Variants in CBX2 observed in about 807,000 individuals in gnomAD.
CBX2 encodes chromobox 2.
CBX2 carries 11 observed loss-of-function variants against 21.0 expected under a neutral mutation model. The observed-to-expected ratio is 0.52, with a 90% CI of 0.33 to 0.87. The LOEUF (loss-of-function observed/expected upper bound fraction) is 0.87, where lower values mean the gene tolerates loss of function less well. Among genes scored for constraint, CBX2 ranks in the 40% least tolerant of loss-of-function variants. The pLI is 0.02. For missense variants in CBX2, 746 were observed against 724.3 expected, an observed-to-expected ratio of 1.03 and a Z score of -0.34; for synonymous variants, 364 against 304.6, an observed-to-expected ratio of 1.19 and a Z score of -2.03.
At chr17:79,783,373 G>A (rs1443450889) in intron 4 of CBX2, among the ~76,000 whole-genome samples, 1 of 152,024 alleles carries the variant, frequency 6.6e-6, no homozygotes, top group Non-Finnish European at 1.5e-5. Flanking sequence ...CTGGACCCTG[G>A]GAACAGGCAG....
At chr17:79,781,608 G>A (rs1555830229) in intron 3 of CBX2, 88 bp from the exon 4 acceptor site, 5 of 1,127,602 alleles carry the variant, frequency 4.4e-6, no homozygotes, top group Non-Finnish European at 6.8e-6. Context: ...AGGCCAACAG[G>A]AATAGGGTGC....
At position 79,783,958 on chromosome 17, in the gene CBX2, A is replaced by G; in HGVS notation, c.515A>G (p.Glu172Gly). The change falls in exon 5 of 5, where the codon GAG becomes GGG. Residue 172 changes from glutamate (E) to glycine (G), a missense_variant. Physicochemically the swap from Glu to Gly is moderately conservative, Grantham distance 98. Coordinates refer to ENST00000310942, the MANE Select transcript of CBX2 (RefSeq NM_005189.3). ...CGGGGACGAAAGCCCCTGCCCCCAGAGCAAAAGGCAACCCGAAGACCCGTG... is the reference window on the plus strand; with the variant it reads ...CGGGGACGAAAGCCCCTGCCCCCAGGGCAAAAGGCAACCCGAAGACCCGTG... ...KKRGRKPLPPEQKATRRPVSL... is the reference protein window; with the variant it reads ...KKRGRKPLPPGQKATRRPVSL... 1 of 1,613,856 alleles carries G rather than the reference A, an allele frequency of 6.2e-7. No homozygotes were observed. Among genetic ancestry groups the G allele is most frequent in the Non-Finnish European group, 8.5e-7 (1 of 1,180,028 alleles).
chr17:79,784,194 A>T lies in CBX2; in HGVS notation c.751A>T (p.Ser251Cys), dbSNP rs781899062. 7.4e-6 allele frequency: 12 copies of T among 1,612,612 alleles called. No homozygotes were observed. The highest frequency in any genetic ancestry group is 1.3e-5 in the African/African-American group (1 of 74,892). The change falls in exon 5 of 5, where the codon AGC becomes TGC. Residue 251 changes from serine to cysteine, a missense_variant. By Grantham distance (112) the Ser-to-Cys change is moderately radical. Around this residue, in one of 2 missense-constraint regions of CBX2, gnomAD observed 701 missense variants for 650.7 expected, o/e 1.08. Transcript: ENST00000310942. This position sits in a 1 kb window ranked among gnomAD's most constrained non-coding sequence, Gnocchi z 5.9. ...MASSPGRGGI[S>C]WQSSIVHYMN... ...CAGTAGCCCCGGCCGGGGTGGCATC[A>T]GCTGGCAGAGCTCCATCGTGCACTA... is the stretch of plus-strand genomic sequence containing the variant.
rs141807141 is a variant in CBX2 at position 79,782,007 on chromosome 17, C to T, written c.288+206C>T. 1,011 of 1,613,972 alleles carry T rather than the reference C, an allele frequency of 6.3e-4. 1 individual carries two copies. Among genetic ancestry groups the T allele is most frequent in the South Asian group, 8.5e-4 (77 of 91,090 alleles). On this transcript the variant is annotated intron_variant, in intron 4 of 4. Transcript: ENST00000310942. ...CCCCAGCCGGCTGAGAGTTCCTCCCCGCCCCTCCCAGGGGCTTCCTGCTTC... is the reference window on the plus strand; with the variant it reads ...CCCCAGCCGGCTGAGAGTTCCTCCCTGCCCCTCCCAGGGGCTTCCTGCTTC...
At chr17:79,782,509 T>G in intron 4 of CBX2, 1 of 1,172,140 alleles carries the variant, frequency 8.5e-7, no homozygotes, top group Non-Finnish European at 1.1e-6. Context: ...TGGCTTTGAT[T>G]CCCTCCTCCG....
chr17:79,779,333 C>A (rs1555829728), intron 2 of CBX2, 29 bp from the exon 3 acceptor site: 1 of 1,610,704 alleles, frequency 6.2e-7, no homozygotes, highest in Admixed American at 1.7e-5. Flanking sequence ...AGCCTGGCGT[C>A]TAATGCTGCC....
In CBX2 at chr17:79,784,994, G is replaced by A. The variant is rs1907537867; in HGVS notation, c.1551G>A (p.Val517=). 2 of 1,605,236 alleles carry A rather than the reference G, an allele frequency of 1.2e-6. No individual in the cohort carries two copies. The highest frequency in any genetic ancestry group is 2.2e-5 in the South Asian group (2 of 91,092). The change falls in exon 5 of 5, where the codon GTG becomes GTA. Residue 517 remains valine, a synonymous_variant. Coordinates refer to ENST00000310942, the MANE Select transcript of CBX2 (RefSeq NM_005189.3). This position sits in a 1 kb window ranked among gnomAD's most constrained non-coding sequence, Gnocchi z 5.9. ...DVTANLITVT[V]KESPTSVGFF... is the part of the protein sequence containing the mutation. The stretch of plus-strand genomic sequence containing the variant: ...CTGCCAACCTCATCACCGTCACAGT[G>A]AAGGAGTCTCCCACCAGCGTGGGCT...
Position 79,784,768 on chromosome 17 carries a change from G to A in CBX2, c.1325G>A (p.Ser442Asn), listed in dbSNP as rs782088256. 6.2e-7 allele frequency: 1 copy of A among 1,610,638 alleles called. No individual in the cohort carries two copies. The highest frequency in any genetic ancestry group is 8.5e-7 in the Non-Finnish European group (1 of 1,178,988). ...KGSATPSGQE[S>N]RTAPGEARKA... ...AGTGCTACCCCCAGTGGGCAGGAGA[G>A]CCGCACAGCCCCCGGAGAAGCCCGC... Residue 442 changes from serine to asparagine, a missense_variant, in exon 5 of 5, where the codon AGC (serine) becomes AAC (asparagine). By Grantham distance (46) the Ser-to-Asn change is conservative. Around this residue, in one of 2 missense-constraint regions of CBX2, gnomAD observed 701 missense variants for 650.7 expected, o/e 1.08. Transcript: ENST00000310942. The surrounding 1 kb of genome is among the most constrained non-coding windows in gnomAD (Gnocchi z 5.9).
At position 79,784,737 on chromosome 17, in the gene CBX2, A is replaced by C. The variant is rs781874682; in HGVS notation, c.1294A>C (p.Lys432Gln). The stretch of plus-strand genomic sequence containing the variant: ...CCCTGCCAGCAAGAGGGACTGTGTC[A>C]AGGGCAGTGCTACCCCCAGTGGGCA... ...PTPASKRDCV[K>Q]GSATPSGQES... Residue 432 changes from lysine (K) to glutamine (Q), a missense_variant, in exon 5 of 5, where the codon AAG becomes CAG. Physicochemically the swap from Lys to Gln is moderately conservative, Grantham distance 53. This residue lies in a region of CBX2 where 701 missense variants were observed against 650.7 expected (regional missense o/e 1.08). Transcript: ENST00000310942. This position sits in a 1 kb window ranked among gnomAD's most constrained non-coding sequence, Gnocchi z 5.9. The C allele has an allele frequency of 3.1e-6, 5 of 1,611,286 alleles. No individual in the cohort carries two copies. The East Asian group carries it at 8.9e-5, about 29-fold the overall frequency.
chr17:79,779,383 G>A lies in CBX2; in HGVS notation c.138G>A (p.Glu46=), dbSNP rs1555829741. The A allele has an allele frequency of 6.2e-7, 1 of 1,613,942 alleles. No homozygotes were observed. Among genetic ancestry groups the A allele is most frequent in the Non-Finnish European group, 8.5e-7 (1 of 1,180,000 alleles). ...GCAGACATAACAGCTGGGAGCCGGA[G>A]GAGAACATCCTGGACCCGAGGCTGC... ...WSSKHNSWEP[E]ENILDPRLLL... is the part of the protein sequence containing the mutation. The change falls in exon 3 of 5, where the codon GAG becomes GAA. Residue 46 remains glutamate (E), a synonymous_variant. Transcript: ENST00000310942.
Position 79,785,000 on chromosome 17 carries a change from G to A in CBX2, c.1557G>A (p.Glu519=). 6.2e-7 allele frequency: 1 copy of A among 1,604,494 alleles called. No individual in the cohort carries two copies. The highest frequency in any genetic ancestry group is 8.5e-7 in the Non-Finnish European group (1 of 1,179,974). ...TANLITVTVK[E]SPTSVGFFNL... Reference sequence around the variant, plus strand: ...ACCTCATCACCGTCACAGTGAAGGAGTCTCCCACCAGCGTGGGCTTCTTCA... The same window carrying A: ...ACCTCATCACCGTCACAGTGAAGGAATCTCCCACCAGCGTGGGCTTCTTCA... The change falls in exon 5 of 5, where the codon GAG becomes GAA. Residue 519 remains glutamate, a synonymous_variant. Coordinates refer to ENST00000310942, the MANE Select transcript of CBX2 (RefSeq NM_005189.3). The surrounding 1 kb of genome is among the most constrained non-coding windows in gnomAD (Gnocchi z 5.9).
intron 4 of CBX2, among the ~76,000 whole-genome samples, chr17:79,783,231 C>A (rs190603399): frequency 2.0e-5 from 3 of 152,208 alleles, no homozygotes; most frequent in Non-Finnish European, 2.9e-5. Context: ...CTCTATCTAC[C>A]TTTAATTTTG....
intron 4 of CBX2, chr17:79,782,291 C>A: frequency 6.5e-7 from 1 of 1,531,384 alleles, no homozygotes; most frequent in Non-Finnish European, 8.8e-7. Context: ...CCAGGAGGGG[C>A]CTTGGAGGAG....
In CBX2 at chr17:79,784,415, A is replaced by G. The variant is rs1555831204; in HGVS notation, c.972A>G (p.Thr324=). The G allele has an allele frequency of 5.6e-6, 9 of 1,611,780 alleles. No homozygotes were observed. The highest frequency in any genetic ancestry group is 6.8e-6 in the Non-Finnish European group (8 of 1,179,446). The change falls in exon 5 of 5, where the codon ACA becomes ACG. Residue 324 remains threonine (T), a synonymous_variant. Transcript: ENST00000310942. This position sits in a 1 kb window ranked among gnomAD's most constrained non-coding sequence, Gnocchi z 5.9. ...GGAVEQKVGN[T]GGPPHTHGAS... ...CTGTGGAGCAGAAAGTGGGGAACACAGGGGGCCCCCCGCACACCCATGGTG... is the reference window on the plus strand; with the variant it reads ...CTGTGGAGCAGAAAGTGGGGAACACGGGGGGCCCCCCGCACACCCATGGTG...
At position 79,779,457 on chromosome 17, in the gene CBX2, G is replaced by A. The variant is rs1415814790; in HGVS notation, c.182+30G>A. The A allele has an allele frequency of 1.9e-6, 3 of 1,600,644 alleles. No homozygotes were observed. The African/African-American group carries it at 4.0e-5, about 21-fold the overall frequency. ...GGACGCTGACAGCACTGGGGAGGGT[G>A]TGGGGGAGGGACGGTGGCTGGTTGG... On this transcript the variant is annotated intron_variant, in intron 3 of 4. Transcript: ENST00000310942.
chr17:79,783,839 G>A lies in CBX2; in HGVS notation c.396G>A (p.Arg132=), dbSNP rs567047989. Reference sequence around the variant, plus strand: ...ATGACAGTGACTTAGATGCTAAGAGGGGTCCCCGGGGCCGCGAGACCCACC... The same window carrying A: ...ATGACAGTGACTTAGATGCTAAGAGAGGTCCCCGGGGCCGCGAGACCCACC... ...EEDDSDLDAK[R]GPRGRETHPV... Residue 132 remains arginine, a synonymous_variant, in exon 5 of 5, where the codon AGG becomes AGA. Coordinates refer to ENST00000310942, the MANE Select transcript of CBX2 (RefSeq NM_005189.3). 2 of 1,611,938 alleles carry A rather than the reference G, an allele frequency of 1.2e-6. No individual in the cohort carries two copies. Among genetic ancestry groups the A allele is most frequent in the African/African-American group, 2.7e-5 (2 of 74,952 alleles).
chr17:79,780,931 C>T (rs2145823052), intron 3 of CBX2, among the ~76,000 whole-genome samples: 1 of 152,250 alleles, frequency 6.6e-6, no homozygotes, highest in African/African-American at 2.4e-5. Context: ...GGTTGCCTTC[C>T]AGGCCCCAAT....
At position 79,784,734 on chromosome 17, in the gene CBX2, G is replaced by A. The variant is rs782755628; in HGVS notation, c.1291G>A (p.Val431Ile). ...PPTPASKRDC[V>I]KGSATPSGQE... ...CACCCCTGCCAGCAAGAGGGACTGT[G>A]TCAAGGGCAGTGCTACCCCCAGTGG... Residue 431 changes from valine to isoleucine, a missense_variant, in exon 5 of 5, where the codon GTC (valine) becomes ATC (isoleucine). By Grantham distance (29) the Val-to-Ile change is conservative. This residue lies in a region of CBX2 where 701 missense variants were observed against 650.7 expected (regional missense o/e 1.08). Transcript: ENST00000310942. This position sits in a 1 kb window ranked among gnomAD's most constrained non-coding sequence, Gnocchi z 5.9. 1 of 1,611,302 alleles carries A rather than the reference G, an allele frequency of 6.2e-7. No individual in the cohort carries two copies. The highest frequency in any genetic ancestry group is 8.5e-7 in the Non-Finnish European group (1 of 1,179,278).
chr17:79,779,211 TG>T, intron 2 of CBX2, 150 bp from the exon 3 acceptor site: 1 of 771,156 alleles, frequency 1.3e-6, no homozygotes, highest in Non-Finnish European at 2.3e-6. Context: ...CTCCAAAACC[TG>T]GGTTTGGACT....
Sources: gnomAD v4.1 joint callset for allele counts (sites outside exome capture counted in the v4.1 genomes callset) on GRCh38, gnomAD v4.1.1 for gene constraint, gnomAD v4.1.1 regional missense constraint, Gnocchi (gnomAD v3.1) non-coding constraint, MANE v1.5 for transcripts, NCBI Gene and HGNC (gene_info 2026-07-23, HGNC 2026-07-21) for gene names.